The following PCDHGA3 variants were observed in gnomAD, a reference collection of about 807,000 sequenced individuals.
PCDHGA3 encodes protocadherin gamma subfamily A, 3.
In PCDHGA3, 40 loss-of-function variants were observed where a neutral mutation model predicts 58.5. The ratio of observed to expected loss-of-function variants is 0.68; its 90% CI spans 0.53 to 0.89. The LOEUF (loss-of-function observed/expected upper bound fraction) is 0.89. PCDHGA3 is among the 40% of genes least tolerant of loss of function. The pLI is 0.00. For missense variants in PCDHGA3, 1,223 were observed against 1,195.9 expected (o/e 1.02, Z -0.33); for synonymous variants, 530 against 525.7 (o/e 1.01, Z -0.11).
In PCDHGA3 at chr5:141,477,013, T is replaced by A. The variant is rs1285961519; in HGVS notation, c.2425-17794T>A. On this transcript the variant is annotated intron_variant, in intron 1 of 3. Coordinates refer to ENST00000253812, the MANE Select transcript of PCDHGA3 (RefSeq NM_018916.4). This position sits in a 1 kb window ranked among gnomAD's most constrained non-coding sequence, Gnocchi z 4.9. ...TGCGGCAACTATTCGCCTTAGACCT[T>A]GTAACCGGGATGCTGACAATCAAGG... is the stretch of plus-strand genomic sequence containing the variant. 6.2e-7 allele frequency: 1 copy of A among 1,614,204 alleles called. No individual in the cohort carries two copies. The highest frequency in any genetic ancestry group is 2.2e-5 in the East Asian group (1 of 44,878).
chr5:141,420,225 C>G, intron 1 of PCDHGA3: 1 of 1,603,470 alleles, frequency 6.2e-7, no homozygotes. Flanking sequence ...ATGCTACTGG[C>G]TAGCATTTTA....
At chr5:141,361,527 C>A (rs780371360) in intron 1 of PCDHGA3, 1 of 1,614,060 alleles carries the variant, frequency 6.2e-7, no homozygotes, top group Admixed American at 1.7e-5. Context: ...TGGCAGAGAA[C>A]AATCCTCCTG....
chr5:141,504,351 G>A (rs77439649), intron 2 of PCDHGA3, among the ~76,000 whole-genome samples: 2 of 152,010 alleles, frequency 1.3e-5, no homozygotes, highest in African/African-American at 4.8e-5. Context: ...CTTTGTGCTA[G>A]GTGCTTCAGT....
chr5:141,381,583 A>G (rs766567706), intron 1 of PCDHGA3, among the ~76,000 whole-genome samples: 1 of 152,214 alleles, frequency 6.6e-6, no homozygotes, highest in Non-Finnish European at 1.5e-5. Context: ...CAGCCAATCC[A>G]TTATCCAGTT....
In PCDHGA3 at chr5:141,487,519, T is replaced by C. The variant is rs1288070159; in HGVS notation, c.2425-7288T>C. The C allele has an allele frequency of 6.2e-7, 1 of 1,614,046 alleles. No individual in the cohort carries two copies. ...CCTTGGCTTCTGCACCCACTCGGAG[T>C]GATAGCTTCATGATGGTGAAGTCAC... On this transcript the variant is annotated intron_variant, in intron 1 of 3. Transcript: ENST00000253812. The surrounding 1 kb of genome is among the most constrained non-coding windows in gnomAD (Gnocchi z 5.0).
rs757755103 is a variant in PCDHGA3 at position 141,432,638 on chromosome 5, C to T, written c.2425-62169C>T. 1.2e-6 allele frequency: 2 copies of T among 1,613,810 alleles called. No homozygotes were observed. Among genetic ancestry groups the T allele is most frequent in the Non-Finnish European group, 8.5e-7 (1 of 1,179,930 alleles). ...GGTGGGTCTGCACACGGGCGAGGTG[C>T]GCACGGCGCGAGCCCTGCTGGACAG... is the stretch of plus-strand genomic sequence containing the variant. On this transcript the variant is annotated intron_variant, in intron 1 of 3. Transcript: ENST00000253812. The surrounding 1 kb of genome is among the most constrained non-coding windows in gnomAD (Gnocchi z 6.0).
chr5:141,464,853 C>A (rs1441161135), intron 1 of PCDHGA3, among the ~76,000 whole-genome samples: 1 of 151,778 alleles, frequency 6.6e-6, no homozygotes, highest in East Asian at 1.9e-4. Flanking sequence ...ATCCTCCTAC[C>A]TTAGCCTCCC....
Position 141,346,095 on chromosome 5 carries a change from G to T in PCDHGA3, c.2062G>T (p.Asp688Tyr), listed in dbSNP as rs1247452156. 16 of 1,613,658 alleles carry T rather than the reference G, an allele frequency of 9.9e-6. No individual in the cohort carries two copies. Among genetic ancestry groups the T allele is most frequent in the Non-Finnish European group, 1.4e-5 (16 of 1,179,854 alleles). Residue 688 changes from aspartate to tyrosine, a missense_variant, in exon 1 of 4, where the codon GAC becomes TAC. Coordinates refer to ENST00000253812, the MANE Select transcript of PCDHGA3 (RefSeq NM_018916.4). ...GCCCTCCGCCAAACCCAACGATTCGGACCTCACTCTGTACCTGGTGGTGGC... is the reference window on the plus strand; with the variant it reads ...GCCCTCCGCCAAACCCAACGATTCGTACCTCACTCTGTACCTGGTGGTGGC... ...LEPSAKPNDS[D>Y]LTLYLVVAVA...
chr5:141,350,268 G>A (rs1240234728), intron 1 of PCDHGA3: 3 of 1,512,380 alleles, frequency 2.0e-6, no homozygotes, highest in East Asian at 2.3e-5. Flanking sequence ...GAAATGCAGA[G>A]AGCCAGAGAA....
At chr5:141,422,090 A>T (rs762413085) in intron 1 of PCDHGA3, 1 of 1,611,852 alleles carries the variant, frequency 6.2e-7, no homozygotes, top group East Asian at 2.2e-5. Context: ...ATGGAAAGCA[A>T]GGCTTCTGAA....
At chr5:141,423,126 G>A (rs1397550571) in intron 1 of PCDHGA3, 1 of 1,613,622 alleles carries the variant, frequency 6.2e-7, no homozygotes, top group Non-Finnish European at 8.5e-7. Context: ...CGCGGGCACT[G>A]CTGGACAGAG....
chr5:141,398,241 C>G, intron 1 of PCDHGA3: 1 of 1,474,150 alleles, frequency 6.8e-7, no homozygotes, highest in South Asian at 1.2e-5. Context: ...ACAGGATTCC[C>G]GAGGAAATGC....
intron 1 of PCDHGA3, chr5:141,357,688 C>A (rs1173452937): frequency 6.4e-7 from 1 of 1,562,844 alleles, no homozygotes; most frequent in South Asian, 1.2e-5. Flanking sequence ...AAATGTCTCT[C>A]ATTTTATATG....
chr5:141,388,663 C>T (rs770660956), intron 1 of PCDHGA3: 1 of 1,613,810 alleles, frequency 6.2e-7, no homozygotes, highest in Non-Finnish European at 8.5e-7. Flanking sequence ...CCGGGGACCA[C>T]GGTGCTACAG....
At chr5:141,433,381 A>ATCTG (rs1561869478) in intron 1 of PCDHGA3, among the ~76,000 whole-genome samples, 2 of 151,148 alleles carry the variant, frequency 1.3e-5, no homozygotes, top group Non-Finnish European at 2.9e-5. Flanking sequence ...CTATCTATCT[A>ATCTG]TCTATCTATC....
Position 141,491,478 on chromosome 5 carries a change from C to A in PCDHGA3, c.2425-3329C>A. ...CCCCGGACTTCTATAAGCAGTCCAG[C>A]CCCAACCTGCAGGTGAGCTCGGACG... On this transcript the variant is annotated intron_variant, in intron 1 of 3. Coordinates refer to ENST00000253812, the MANE Select transcript of PCDHGA3 (RefSeq NM_018916.4). The surrounding 1 kb of genome is among the most constrained non-coding windows in gnomAD (Gnocchi z 6.9). 6.2e-7 allele frequency: 1 copy of A among 1,614,068 alleles called. No individual in the cohort carries two copies. Among genetic ancestry groups the A allele is most frequent in the Non-Finnish European group, 8.5e-7 (1 of 1,180,004 alleles).
chr5:141,436,931 G>A (rs1026520169), intron 1 of PCDHGA3, among the ~76,000 whole-genome samples: 1 of 152,114 alleles, frequency 6.6e-6, no homozygotes, highest in Non-Finnish European at 1.5e-5. Context: ...CTTTTTCTTT[G>A]TCTGAACCAT....
chr5:141,482,041 T>C (rs1443886481), intron 1 of PCDHGA3, among the ~76,000 whole-genome samples: 2 of 150,190 alleles, frequency 1.3e-5, no homozygotes, highest in Non-Finnish European at 2.9e-5. Context: ...GCCAAGATCA[T>C]GCTGTTGCAT....
At chr5:141,355,001 G>C (rs1047101891) in intron 1 of PCDHGA3, 1 of 754,922 alleles carries the variant, frequency 1.3e-6, no homozygotes, top group Non-Finnish European at 1.9e-6. Context: ...AGGGGGAAAA[G>C]ACAAACCAGA....
Sources: allele counts gnomAD v4.1 joint callset (sites outside exome capture counted in the v4.1 genomes callset), GRCh38; gene constraint gnomAD v4.1.1; non-coding constraint Gnocchi (gnomAD v3.1); transcripts MANE v1.5; gene names NCBI Gene and HGNC (gene_info 2026-07-23, HGNC 2026-07-21).